Variants in KIF13A observed in about 807,000 individuals in gnomAD.
The protein encoded by KIF13A is kinesin family member 13A.
KIF13A carries 79 observed loss-of-function variants against 212.2 expected under a neutral mutation model. The ratio of observed to expected loss-of-function variants is 0.37; its 90% CI spans 0.31 to 0.45. The LOEUF (loss-of-function observed/expected upper bound fraction) is 0.45, where lower values mean the gene tolerates loss of function less well. KIF13A is among the 20% of genes least tolerant of loss of function. The pLI is 1.00. For synonymous variants in KIF13A, 789 were observed against 808.6 expected (o/e 0.98, Z 0.41); for missense variants, 1,901 against 2,209.0 (o/e 0.86, Z 2.79).
intron 4 of KIF13A, among the ~76,000 whole-genome samples, chr6:17,866,943 A>C (rs1769465538): frequency 6.7e-6 from 1 of 149,676 alleles, no homozygotes; most frequent in Non-Finnish European, 1.5e-5. Flanking sequence ...TTTATTTTTT[A>C]ACATCCTTTA....
rs922303636 is a variant in KIF13A at position 17,872,235 on chromosome 6, C to T, written c.220+1142G>A. ...GTTTGCTTTATATGGCAAGGAAAAACCTATCAATAAACAAAACATTAATTT... is the reference window on the plus strand; with the variant it reads ...GTTTGCTTTATATGGCAAGGAAAAATCTATCAATAAACAAAACATTAATTT... On this transcript the variant is annotated intron_variant, in intron 4 of 38. Coordinates refer to ENST00000259711, the MANE Select transcript of KIF13A (RefSeq NM_022113.6). This position sits in a 1 kb window ranked among gnomAD's most constrained non-coding sequence, Gnocchi z 4.7. Among the ~76,000 whole-genome samples, 2 of 152,126 alleles carry T rather than the reference C, an allele frequency of 1.3e-5. No homozygotes were observed. Among genetic ancestry groups the T allele is most frequent in the African/African-American group, 4.8e-5 (2 of 41,458 alleles).
intron 9 of KIF13A, among the ~76,000 whole-genome samples, chr6:17,845,574 A>G (rs1766944993): frequency 6.6e-6 from 1 of 152,216 alleles, no homozygotes; most frequent in Non-Finnish European, 1.5e-5. Flanking sequence ...TTACTGAATA[A>G]AATGGAACCA....
At chr6:17,797,850 AT>A (rs1443869899) in intron 22 of KIF13A, among the ~76,000 whole-genome samples, 1 of 152,196 alleles carries the variant, frequency 6.6e-6, no homozygotes, top group Non-Finnish European at 1.5e-5. Flanking sequence ...GTGAGCCGTG[AT>A]TGTGCCACTG....
At position 17,814,450 on chromosome 6, in the gene KIF13A, T is replaced by C. The variant is rs184382700; in HGVS notation, c.2000+2570A>G. ...TTTTAGTACAGACGGGGTTTCACCA[T>C]CTTGGCCAGGCTGGTCTTGAACTCC... On this transcript the variant is annotated intron_variant, in intron 17 of 38. Transcript: ENST00000259711. Among the ~76,000 whole-genome samples, 228 of 151,834 alleles carry C rather than the reference T, an allele frequency of 1.5e-3. 1 individual carries two copies. The highest frequency in any genetic ancestry group is 5.2e-3 in the African/African-American group (217 of 41,372).
Position 17,809,798 on chromosome 6 carries a change from C to T in KIF13A, c.2001-868G>A, listed in dbSNP as rs1401992419. Among the ~76,000 whole-genome samples the T allele has an allele frequency of 5.3e-5, 8 of 152,212 alleles. No homozygotes were observed. The highest frequency in any genetic ancestry group is 1.7e-4 in the African/African-American group (7 of 41,454). On this transcript the variant is annotated intron_variant, in intron 17 of 38. Transcript: ENST00000259711. The surrounding 1 kb of genome is among the most constrained non-coding windows in gnomAD (Gnocchi z 4.7). ...TAACTTCTCTTTTCCACCATTTATA[C>T]GCCGCAGGAAATGCTTACATCATAG...
chr6:17,805,311 C>G (rs1762844530), intron 19 of KIF13A, among the ~76,000 whole-genome samples, 164 bp downstream of exon 19: 1 of 152,056 alleles, frequency 6.6e-6, no homozygotes, highest in Non-Finnish European at 1.5e-5. Flanking sequence ...GCGCTTCTTT[C>G]AAAATCACTT....
At position 17,847,120 on chromosome 6, in the gene KIF13A, TACAC is replaced by T. The variant is rs147783786; in HGVS notation, c.830+2253_830+2256del. ...GGTCATTCCACATCTACGCCAGTCA[TACAC>T]ACACACACACTCTAAATTCCAACAA... On this transcript the variant is annotated intron_variant, in intron 9 of 38. Coordinates refer to ENST00000259711, the MANE Select transcript of KIF13A (RefSeq NM_022113.6). Among the ~76,000 whole-genome samples the T allele has an allele frequency of 7.2e-5, 11 of 151,976 alleles. No individual in the cohort carries two copies. In the South Asian group the frequency reaches 2.1e-3, roughly 29 times the overall value.
intron 2 of KIF13A, among the ~76,000 whole-genome samples, chr6:17,930,332 A>G (rs1775882887): frequency 6.6e-6 from 1 of 152,256 alleles, no homozygotes; most frequent in Non-Finnish European, 1.5e-5. Flanking sequence ...GAGAGCTCAC[A>G]AATGCCTAAT....
Position 17,777,837 on chromosome 6 carries a change from ATTTT to A in KIF13A, c.4093-487_4093-484del, listed in dbSNP as rs960070775. ...ATTTGTTTAGCAATTTATCAAAAATATTTTTTTTAAGATAAATAAAACTGCAGGG... is the reference window on the plus strand; with the variant it reads ...ATTTGTTTAGCAATTTATCAAAAATATTTTAAGATAAATAAAACTGCAGGG... On this transcript the variant is annotated intron_variant, in intron 33 of 38. Coordinates refer to ENST00000259711, the MANE Select transcript of KIF13A (RefSeq NM_022113.6). This position sits in a 1 kb window ranked among gnomAD's most constrained non-coding sequence, Gnocchi z 4.4. 3.1e-5 allele frequency among the ~76,000 whole-genome samples: 2 copies of A among 64,000 alleles called. No homozygotes were observed. Among genetic ancestry groups the A allele is most frequent in the South Asian group, 1.1e-3 (2 of 1,876 alleles). 42.0% of individuals were successfully genotyped at this position (64,000 alleles called of 152,430 possible). A position where few individuals can be genotyped will look rare whatever the true frequency, so the allele number is the denominator to read the frequency against.
intron 14 of KIF13A, among the ~76,000 whole-genome samples, chr6:17,827,514 C>CA (rs1346380000): frequency 7.9e-5 from 10 of 126,032 alleles, no homozygotes; most frequent in African/African-American, 2.8e-4. Flanking sequence ...ATTCTCTCTA[C>CA]ATTTTTTTTT....
intron 2 of KIF13A, among the ~76,000 whole-genome samples, chr6:17,952,904 T>C (rs1561798229): frequency 6.8e-6 from 1 of 146,066 alleles, no homozygotes; most frequent in Admixed American, 6.9e-5. Flanking sequence ...CACTCCAGCC[T>C]GGGCGACAGA....
chr6:17,965,083 C>T (rs1397960856), intron 2 of KIF13A, among the ~76,000 whole-genome samples: 1 of 152,114 alleles, frequency 6.6e-6, no homozygotes, highest in Non-Finnish European at 1.5e-5. Context: ...CCCACCTTGG[C>T]CTCCCCATAG....
At position 17,811,697 on chromosome 6, in the gene KIF13A, A is replaced by G. The variant is rs1257257926; in HGVS notation, c.2001-2767T>C. ...GTTCCAGCTTCTTATATAACCACAT[A>G]CAATTAATGACATCTTACTTTTATC... On this transcript the variant is annotated intron_variant, in intron 17 of 38. Coordinates refer to ENST00000259711, the MANE Select transcript of KIF13A (RefSeq NM_022113.6). The surrounding 1 kb of genome is among the most constrained non-coding windows in gnomAD (Gnocchi z 6.0). Among the ~76,000 whole-genome samples the G allele has an allele frequency of 6.6e-6, 1 of 152,224 alleles. No individual in the cohort carries two copies. The highest frequency in any genetic ancestry group is 1.9e-4 in the East Asian group (1 of 5,200).
Position 17,855,335 on chromosome 6 carries a change from C to T in KIF13A, c.494+102G>A. 1.1e-6 allele frequency: 1 copy of T among 876,818 alleles called. No individual in the cohort carries two copies. The highest frequency in any genetic ancestry group is 1.7e-6 in the Non-Finnish European group (1 of 576,068). The allele number at this position is 876,818 out of a possible 1,614,324, so 54.3% of individuals were successfully genotyped here. ...GTAAATGAATGAAAACCAGTGTAGT[C>T]ACCAAGAGCTTAAATACGTATATTC... On this transcript the variant is annotated intron_variant, in intron 6 of 38. Transcript: ENST00000259711. This position sits in a 1 kb window ranked among gnomAD's most constrained non-coding sequence, Gnocchi z 4.1.
rs1310638043 is a variant in KIF13A at position 17,871,042 on chromosome 6, C to G, written c.220+2335G>C. ...GAGGTCCTGAAATTCAAACACAGGT[C>G]TCACGTCAAAATCCATGTGCTCTCC... On this transcript the variant is annotated intron_variant, in intron 4 of 38. Coordinates refer to ENST00000259711, the MANE Select transcript of KIF13A (RefSeq NM_022113.6). The surrounding 1 kb of genome is among the most constrained non-coding windows in gnomAD (Gnocchi z 4.4). 6.6e-6 allele frequency among the ~76,000 whole-genome samples: 1 copy of G among 152,232 alleles called. No homozygotes were observed. Among genetic ancestry groups the G allele is most frequent in the Non-Finnish European group, 1.5e-5 (1 of 68,040 alleles).
At chr6:17,975,876 G>A (rs960101272) in intron 2 of KIF13A, among the ~76,000 whole-genome samples, 1 of 151,962 alleles carries the variant, frequency 6.6e-6, no homozygotes, top group African/African-American at 2.4e-5. Flanking sequence ...CAAACCTTGG[G>A]CTAGATACAG....
At chr6:17,936,420 A>T (rs1776467280) in intron 2 of KIF13A, 1 of 167,450 alleles carries the variant, frequency 6.0e-6, no homozygotes, top group African/African-American at 2.4e-5. Flanking sequence ...GAGCCATTGC[A>T]CCTGGCCCAT....
intron 9 of KIF13A, among the ~76,000 whole-genome samples, chr6:17,841,637 C>T (rs1447224014): frequency 6.6e-6 from 1 of 152,108 alleles, no homozygotes; most frequent in African/African-American, 2.4e-5. Context: ...CATCCAGTTA[C>T]AGAAGTGTAT....
At chr6:17,762,456 C>T (rs1416397526), downstream of KIF13A, among the ~76,000 whole-genome samples, 1 of 152,144 alleles carries the variant, frequency 6.6e-6, no homozygotes, top group Non-Finnish European at 1.5e-5. Context: ...TGGCAATCCA[C>T]CTGCCTCGGC....
Sources: allele counts gnomAD v4.1 joint callset (sites outside exome capture counted in the v4.1 genomes callset), GRCh38; gene constraint gnomAD v4.1.1; non-coding constraint Gnocchi (gnomAD v3.1); transcripts MANE v1.5; gene names NCBI Gene and HGNC (gene_info 2026-07-23, HGNC 2026-07-21).